The following POLE2 variants were observed in gnomAD, a reference collection of about 807,000 sequenced individuals.
POLE2 encodes the protein DNA polymerase epsilon 2, accessory subunit, also known as DNA polymerase epsilon subunit 2.
Under a neutral mutation model 79.4 loss-of-function variants are expected in POLE2, and 56 were observed. The ratio of observed to expected loss-of-function variants is 0.71; its 90% CI spans 0.57 to 0.88. The LOEUF (loss-of-function observed/expected upper bound fraction) is 0.88, where lower values mean the gene tolerates loss of function less well. Among genes scored for constraint, POLE2 ranks in the 40% least tolerant of loss-of-function variants. POLE2 has a pLI of 0.00. For missense variants in POLE2, 598 were observed against 638.9 expected, an observed-to-expected ratio of 0.94 and a Z score of 0.69; for synonymous variants, 212 against 214.0, an observed-to-expected ratio of 0.99 and a Z score of 0.08.
At chr14:49,669,700 A>G (rs1885736473) in intron 5 of POLE2, 102 bp from the exon 6 acceptor site, 2 of 635,340 alleles carry the variant, frequency 3.1e-6, no homozygotes, top group East Asian at 5.6e-5. Context: ...AACTAATGTC[A>G]CTATTACTTA....
intron 10 of POLE2, among the ~76,000 whole-genome samples, chr14:49,661,689 C>A (rs938030043): frequency 6.6e-6 from 1 of 152,144 alleles, no homozygotes; most frequent in African/African-American, 2.4e-5. Context: ...AACATACTCA[C>A]TAAAATATTA....
chr14:49,652,440 G>C (rs766984649), intron 15 of POLE2, among the ~76,000 whole-genome samples: 15 of 152,052 alleles, frequency 9.9e-5, no homozygotes, highest in Non-Finnish European at 1.9e-4. Context: ...CCAGTCCATG[G>C]TCTGTTAGGA....
chr14:49,648,182 G>T (rs528594249), intron 17 of POLE2, among the ~76,000 whole-genome samples: 2 of 152,292 alleles, frequency 1.3e-5, no homozygotes, highest in African/African-American at 4.8e-5. Context: ...AAACTCTCAC[G>T]TGGCTGAGCA....
chr14:49,644,409 T>C (rs1883612586), intron 18 of POLE2, among the ~76,000 whole-genome samples: 1 of 150,034 alleles, frequency 6.7e-6, no homozygotes, highest in African/African-American at 2.4e-5. Context: ...ACTCGGGAGG[T>C]TGAGGCAGGA....
intron 11 of POLE2, 90 bp from the exon 12 acceptor site, chr14:49,655,184 T>A (rs1884564356): frequency 2.4e-6 from 1 of 409,104 alleles, no homozygotes; most frequent in Non-Finnish European, 4.2e-6. Flanking sequence ...ATAATAAAAA[T>A]TTATTTTAAT....
chr14:49,670,702 G>T (rs1022041411), intron 5 of POLE2, among the ~76,000 whole-genome samples: 1 of 152,202 alleles, frequency 6.6e-6, no homozygotes, highest in African/African-American at 2.4e-5. Context: ...GAGTTGCTAA[G>T]GCTACTAGTG....
chr14:49,680,099 T>C (rs1325169352), intron 2 of POLE2, among the ~76,000 whole-genome samples: 1 of 152,176 alleles, frequency 6.6e-6, no homozygotes, highest in Non-Finnish European at 1.5e-5. Flanking sequence ...CCTATAATCC[T>C]AACACTTTGG....
chr14:49,649,339 G>C (rs1216226867), intron 17 of POLE2, among the ~76,000 whole-genome samples: 1 of 151,056 alleles, frequency 6.6e-6, no homozygotes, highest in Non-Finnish European at 1.5e-5. Context: ...GTAGAGACGG[G>C]GTTGCACCAT....
intron 9 of POLE2, 135 bp downstream of exon 9, chr14:49,664,490 TA>T: frequency 1.5e-6 from 1 of 686,082 alleles, no homozygotes; most frequent in Non-Finnish European, 2.6e-6. Flanking sequence ...ATTAACAGTC[TA>T]AGAGTTATTT....
chr14:49,671,208 C>G (rs942674040), intron 5 of POLE2, among the ~76,000 whole-genome samples: 2 of 152,178 alleles, frequency 1.3e-5, no homozygotes, highest in African/African-American at 4.8e-5. Context: ...AGCACCTTCT[C>G]TGTATAAAGG....
At chr14:49,658,574 T>C (rs1048826420) in intron 10 of POLE2, among the ~76,000 whole-genome samples, 1 of 152,240 alleles carries the variant, frequency 6.6e-6, no homozygotes, top group African/African-American at 2.4e-5. Context: ...GAGGATCTAC[T>C]ACATATGGAC....
Position 49,655,747 on chromosome 14 carries a change from A to G in POLE2, c.852T>C (p.Asp284=). 6.2e-7 allele frequency: 1 copy of G among 1,610,556 alleles called. No individual in the cohort carries two copies. The highest frequency in any genetic ancestry group is 8.5e-7 in the Non-Finnish European group (1 of 1,177,362). ...KLKQLEEENK[D]AMFVFLSDVW... ...CATCAGATAAAAACACAAACATAGCATCTTTATTCTCCTCTTCTAGCTGTT... is the reference window on the plus strand; with the variant it reads ...CATCAGATAAAAACACAAACATAGCGTCTTTATTCTCCTCTTCTAGCTGTT... Residue 284 remains aspartate, a synonymous_variant, in exon 11 of 19, where the codon GAT becomes GAC. Transcript: ENST00000216367.
At chr14:49,682,700 C>A (rs1387011814) in intron 2 of POLE2, among the ~76,000 whole-genome samples, 1 of 147,078 alleles carries the variant, frequency 6.8e-6, no homozygotes, top group South Asian at 2.2e-4. Flanking sequence ...CAGTAAAATG[C>A]CTTCCAACTC....
chr14:49,644,511 C>CA (rs34511706), intron 18 of POLE2, among the ~76,000 whole-genome samples: 31,753 of 129,196 alleles, frequency 0.25, 3,635 homozygotes, highest in Admixed American at 0.33. Context: ...ACTCCGTCTC[C>CA]AAAAAAAAAA....
At chr14:49,681,914 C>G (rs1456757620) in intron 2 of POLE2, 1 of 153,262 alleles carries the variant, frequency 6.5e-6, no homozygotes, top group Non-Finnish European at 1.5e-5. Context: ...CTCTACCTTC[C>G]TGGGTCACCT....
At chr14:49,653,119 G>A (rs996425063) in intron 15 of POLE2, among the ~76,000 whole-genome samples, 1 of 152,170 alleles carries the variant, frequency 6.6e-6, no homozygotes, top group Non-Finnish European at 1.5e-5. Flanking sequence ...GGACACTCGT[G>A]GGGAGGAAGA....
chr14:49,685,321 T>C (rs1450664277), intron 1 of POLE2, among the ~76,000 whole-genome samples: 2 of 152,222 alleles, frequency 1.3e-5, no homozygotes, highest in African/African-American at 4.8e-5. Flanking sequence ...TAGATAACTT[T>C]AAAACTGTAA....
chr14:49,669,714 T>G, intron 5 of POLE2, 116 bp from the exon 6 acceptor site: 1 of 595,212 alleles, frequency 1.7e-6, no homozygotes, highest in East Asian at 2.9e-5. Flanking sequence ...TTACTTATTC[T>G]CCACAAATTT....
At chr14:49,643,771 A>T in intron 18 of POLE2, 101 bp from the exon 19 acceptor site, 2 of 591,182 alleles carry the variant, frequency 3.4e-6, no homozygotes, top group Non-Finnish European at 5.9e-6. Context: ...ATTGATTTTT[A>T]AAAACAGGTC....
Sources: allele counts gnomAD v4.1 joint callset (sites outside exome capture counted in the v4.1 genomes callset), GRCh38; gene constraint gnomAD v4.1.1; transcripts MANE v1.5; gene names NCBI Gene and HGNC (gene_info 2026-07-23, HGNC 2026-07-21).